The following KCNT2 variants were observed in gnomAD, a reference collection of about 807,000 sequenced individuals.
KCNT2 encodes potassium sodium-activated channel subfamily T member 2, also known as potassium channel subfamily T member 2.
KCNT2 carries 67 observed loss-of-function variants against 153.8 expected under a neutral mutation model. The ratio of observed to expected loss-of-function variants is 0.44; its 90% confidence interval spans 0.36 to 0.53. The LOEUF (loss-of-function observed/expected upper bound fraction) is 0.53, where lower values mean the gene tolerates loss of function less well. Among genes scored for constraint, KCNT2 ranks in the 20% least tolerant of loss-of-function variants. KCNT2 has a pLI of 0.00. For missense variants in KCNT2, 975 were observed against 1,354.8 expected (o/e 0.72, Z 4.40); for synonymous variants, 500 against 458.8 (o/e 1.09, Z -1.15).
chr1:196,353,408 C>G (rs1666915665), intron 14 of KCNT2, among the ~76,000 whole-genome samples: 1 of 151,860 alleles, frequency 6.6e-6, no homozygotes, highest in African/African-American at 2.4e-5. Context: ...AAATAAAATA[C>G]TTGAATCATT....
intron 8 of KCNT2, among the ~76,000 whole-genome samples, chr1:196,441,429 T>C (rs1264036155): frequency 5.0e-3 from 1 of 200 alleles, no homozygotes; most frequent in African/African-American, 6.0e-3. Flanking sequence ...AATCTACTTT[T>C]TTTTTTTTCC....
chr1:196,334,106 G>T, intron 16 of KCNT2, 46 bp from the exon 17 acceptor site: 2 of 1,192,466 alleles, frequency 1.7e-6, no homozygotes, highest in South Asian at 1.2e-5. Flanking sequence ...TTGCCATATT[G>T]ATCACTAGTG....
chr1:196,518,107 A>G (rs1160430406), intron 1 of KCNT2, among the ~76,000 whole-genome samples: 1 of 152,204 alleles, frequency 6.6e-6, no homozygotes, highest in East Asian at 1.9e-4. Flanking sequence ...GGCAGCTTGC[A>G]TTCAACATTC....
At chr1:196,514,575 A>G (rs962169234) in intron 1 of KCNT2, among the ~76,000 whole-genome samples, 15 of 152,206 alleles carry the variant, frequency 9.9e-5, no homozygotes, top group African/African-American at 3.6e-4. Flanking sequence ...AATGTGTACT[A>G]TGTGAACACT....
chr1:196,277,847 TAA>T (rs1194020108), intron 25 of KCNT2, among the ~76,000 whole-genome samples: 1 of 152,054 alleles, frequency 6.6e-6, no homozygotes, highest in Non-Finnish European at 1.5e-5. Flanking sequence ...TATATAATCT[TAA>T]AAAAATAATG....
At chr1:196,473,497 G>C (rs1373975830) in intron 5 of KCNT2, among the ~76,000 whole-genome samples, 2 of 152,158 alleles carry the variant, frequency 1.3e-5, no homozygotes, top group African/African-American at 4.8e-5. Context: ...CACACCACAT[G>C]TATGCATATA....
chr1:196,254,248 T>G (rs1000613737), intron 26 of KCNT2, among the ~76,000 whole-genome samples: 3 of 151,492 alleles, frequency 2.0e-5, no homozygotes, highest in African/African-American at 7.2e-5. Context: ...GTATTCATTC[T>G]TGTGTTTTTG....
chr1:196,448,013 T>C (rs931299506), intron 8 of KCNT2, among the ~76,000 whole-genome samples: 4 of 151,618 alleles, frequency 2.6e-5, no homozygotes, highest in African/African-American at 9.7e-5. Context: ...TGTTTTCTAA[T>C]GGATCTCCTA....
chr1:196,334,471 A>C (rs12044541), intron 16 of KCNT2, among the ~76,000 whole-genome samples: 54 of 50,484 alleles, frequency 1.1e-3, no homozygotes, highest in Admixed American at 2.1e-3. Flanking sequence ...TTTTTCTTTT[A>C]TTTCTTTCTT....
chr1:196,338,041 C>G (rs894179405), intron 16 of KCNT2, among the ~76,000 whole-genome samples: 1 of 151,878 alleles, frequency 6.6e-6, no homozygotes, highest in African/African-American at 2.4e-5. Flanking sequence ...ACAATAAGTA[C>G]TTTTTGAAGA....
chr1:196,465,408 A>G lies in KCNT2; in HGVS notation c.544-21T>C, dbSNP rs757101023. 6.9e-6 allele frequency: 10 copies of G among 1,439,262 alleles called. No individual in the cohort carries two copies. The African/African-American group carries it at 8.4e-5, about 12-fold the overall frequency. 89.2% of individuals were successfully genotyped at this position (1,439,262 alleles called of 1,614,324 possible). On this transcript the variant is annotated intron_variant, in intron 7 of 27. Transcript: ENST00000294725. ...TCATTCTAAAATAATACAGAAAAAA[A>G]GTTGTAAATTTTGATAAATACTAAA... is the stretch of plus-strand genomic sequence containing the variant.
intron 1 of KCNT2, among the ~76,000 whole-genome samples, chr1:196,555,634 C>A (rs748997325): frequency 3.3e-5 from 5 of 150,990 alleles, no homozygotes; most frequent in Non-Finnish European, 7.4e-5. Context: ...ACATTCTTCA[C>A]AGAAATAAAA....
At chr1:196,259,549 T>C (rs1656818973) in intron 25 of KCNT2, 2 of 152,080 alleles carry the variant, frequency 1.3e-5, no homozygotes, top group Non-Finnish European at 2.9e-5. Flanking sequence ...ATAGCATGCA[T>C]GTGTTGCTGG....
intron 21 of KCNT2, among the ~76,000 whole-genome samples, chr1:196,308,173 C>A (rs569548374): frequency 1.9e-4 from 29 of 151,796 alleles, no homozygotes; most frequent in Non-Finnish European, 3.4e-4. Context: ...TTTTTCTCTC[C>A]GATGGGTAAC....
At chr1:196,390,015 G>A (rs1039747377) in intron 13 of KCNT2, among the ~76,000 whole-genome samples, 1 of 151,364 alleles carries the variant, frequency 6.6e-6, no homozygotes, top group Non-Finnish European at 1.5e-5. Context: ...TTTTGTACAT[G>A]TGTGACCTAA....
chr1:196,276,510 CT>C (rs560525252), intron 25 of KCNT2, among the ~76,000 whole-genome samples: 88 of 152,062 alleles, frequency 5.8e-4, no homozygotes, highest in Admixed American at 2.6e-3. Context: ...CTAGGTCTCC[CT>C]TTATGCTTGG....
At chr1:196,283,901 T>C (rs188917254) in intron 23 of KCNT2, among the ~76,000 whole-genome samples, 2 of 152,084 alleles carry the variant, frequency 1.3e-5, no homozygotes, top group Admixed American at 1.3e-4. Flanking sequence ...AATGCAGGTA[T>C]GTATTGAAAT....
intron 25 of KCNT2, among the ~76,000 whole-genome samples, chr1:196,264,217 C>T (rs1011756332): frequency 6.6e-6 from 1 of 152,086 alleles, no homozygotes; most frequent in Non-Finnish European, 1.5e-5. Context: ...AACTGCTAAC[C>T]ACTTGATGAC....
chr1:196,268,802 C>T (rs1021402823), intron 25 of KCNT2, among the ~76,000 whole-genome samples: 1 of 151,866 alleles, frequency 6.6e-6, no homozygotes, highest in Non-Finnish European at 1.5e-5. Flanking sequence ...CCATCTTGCT[C>T]TCCCCACAAA....
Sources: allele counts gnomAD v4.1 joint callset (sites outside exome capture counted in the v4.1 genomes callset), GRCh38; gene constraint gnomAD v4.1.1; transcripts MANE v1.5; gene names NCBI Gene and HGNC (gene_info 2026-07-23, HGNC 2026-07-21).